Variants in BAIAP2L1 observed in about 807,000 individuals in gnomAD.
BAIAP2L1 encodes BAR/IMD domain containing adaptor protein 2 like 1.
A neutral mutation model predicts 66.3 loss-of-function variants in BAIAP2L1; 35 were observed. That is an observed-to-expected ratio of 0.53 (90% CI 0.40 to 0.70). The LOEUF is 0.70. BAIAP2L1 is among the 30% of genes least tolerant of loss of function. The probability of loss-of-function intolerance (pLI) is 0.00; values close to 1 mark genes in which losing one functional copy is unlikely to be tolerated. For synonymous variants in BAIAP2L1, 269 were observed against 248.7 expected (o/e 1.08, Z -0.77); for missense variants, 622 against 656.9 (o/e 0.95, Z 0.58).
chr7:98,395,450 A>G (rs1052963094), intron 1 of BAIAP2L1, among the ~76,000 whole-genome samples: 1 of 151,182 alleles, frequency 6.6e-6, no homozygotes, highest in African/African-American at 2.4e-5. Context: ...AAAAAAAAAA[A>G]AAAGTTAGGA....
At chr7:98,374,623 T>C (rs1471069365) in intron 1 of BAIAP2L1, among the ~76,000 whole-genome samples, 1 of 152,182 alleles carries the variant, frequency 6.6e-6, no homozygotes, top group Non-Finnish European at 1.5e-5. Flanking sequence ...GGTGTCTCTA[T>C]AGTACTTTTT....
intron 12 of BAIAP2L1, among the ~76,000 whole-genome samples, chr7:98,296,080 AG>A: frequency 6.6e-6 from 1 of 152,226 alleles, no homozygotes; most frequent in East Asian, 1.9e-4. Flanking sequence ...TGGGAGAGTC[AG>A]AACCAGCTTC....
intron 3 of BAIAP2L1, among the ~76,000 whole-genome samples, chr7:98,344,746 C>A (rs1801831155): frequency 6.6e-6 from 1 of 152,268 alleles, no homozygotes; most frequent in Middle Eastern, 3.4e-3. Context: ...ACCAGCCTGA[C>A]CAACATGGTG....
intron 1 of BAIAP2L1, among the ~76,000 whole-genome samples, chr7:98,375,343 G>A (rs990813502): frequency 2.9e-4 from 43 of 149,078 alleles, no homozygotes; most frequent in African/African-American, 6.9e-4. Flanking sequence ...GCAGTGAGCC[G>A]ACATCCGGCC....
chr7:98,356,665 TA>T (rs35660519), intron 2 of BAIAP2L1, among the ~76,000 whole-genome samples: 43,227 of 106,460 alleles, frequency 0.41, 8,776 homozygotes, highest in East Asian at 0.54. Flanking sequence ...CCTGGCTAAT[TA>T]AAAAAAAAAA....
chr7:98,352,436 GTT>G (rs2115681194), intron 3 of BAIAP2L1, among the ~76,000 whole-genome samples: 1 of 152,310 alleles, frequency 6.6e-6, no homozygotes, highest in East Asian at 1.9e-4. Flanking sequence ...GAGGTCAGGA[GTT>G]TGAGACCAGC....
At chr7:98,299,121 T>TTC (rs1408425541) in intron 12 of BAIAP2L1, among the ~76,000 whole-genome samples, 5 of 152,180 alleles carry the variant, frequency 3.3e-5, no homozygotes, top group African/African-American at 1.2e-4. Flanking sequence ...GTTCAACTGA[T>TTC]TCTCCTGCCT....
intron 12 of BAIAP2L1, among the ~76,000 whole-genome samples, chr7:98,303,650 G>C (rs1231268377): frequency 1.3e-5 from 2 of 152,196 alleles, no homozygotes; most frequent in African/African-American, 4.8e-5. Context: ...GGGAATGGAT[G>C]AACTGGTTCC....
Position 98,292,935 on chromosome 7 carries a change from T to G in BAIAP2L1, c.*586A>C. 1.5e-6 allele frequency: 2 copies of G among 1,319,142 alleles called. No individual in the cohort carries two copies. The highest frequency in any genetic ancestry group is 9.7e-7 in the Non-Finnish European group (1 of 1,034,956). 81.7% of individuals were successfully genotyped at this position (1,319,142 alleles called of 1,614,324 possible). ...AAGGGCAGGCAAAGCGTCTTAGCAC[T>G]CTACAGCTCTGGCGTGGTTGGAGGG... On this transcript the variant is annotated 3_prime_UTR_variant, in exon 14 of 14. Coordinates refer to ENST00000005260, the MANE Select transcript of BAIAP2L1 (RefSeq NM_018842.5).
At position 98,312,247 on chromosome 7, in the gene BAIAP2L1, A is replaced by G; in HGVS notation, c.657T>C (p.Asn219=). The part of the protein sequence containing the change: ...YYHLQSAELL[N]SKLPRWQETC... ...TCTCCTGCCACCGAGGCAGCTTGGA[A>G]TTCAGTAGTTCTGCAGACTGCAAAG... is the stretch of plus-strand genomic sequence containing the variant. The change falls in exon 8 of 14, where the codon AAT becomes AAC. Residue 219 remains asparagine, a synonymous_variant. Coordinates refer to ENST00000005260, the MANE Select transcript of BAIAP2L1 (RefSeq NM_018842.5). 1 of 1,612,704 alleles carries G rather than the reference A, an allele frequency of 6.2e-7. No individual in the cohort carries two copies. The highest frequency in any genetic ancestry group is 8.5e-7 in the Non-Finnish European group (1 of 1,179,532).
chr7:98,362,261 T>C, intron 2 of BAIAP2L1, 96 bp downstream of exon 2: 1 of 941,386 alleles, frequency 1.1e-6, no homozygotes, highest in Non-Finnish European at 1.6e-6. Flanking sequence ...TTTTAACCAC[T>C]TAAAGGTATT....
intron 3 of BAIAP2L1, among the ~76,000 whole-genome samples, chr7:98,348,253 G>A (rs560670925): frequency 2.6e-5 from 4 of 152,150 alleles, no homozygotes; most frequent in Admixed American, 2.6e-4. Flanking sequence ...TGAACAACTG[G>A]TTCATGAATA....
intron 12 of BAIAP2L1, among the ~76,000 whole-genome samples, chr7:98,296,945 T>C (rs1800216611): frequency 6.6e-6 from 1 of 152,238 alleles, no homozygotes; most frequent in African/African-American, 2.4e-5. Flanking sequence ...AACATAGACC[T>C]GCCCTCCTCT....
At chr7:98,351,047 A>T (rs1033951944) in intron 3 of BAIAP2L1, among the ~76,000 whole-genome samples, 10 of 152,026 alleles carry the variant, frequency 6.6e-5, no homozygotes. Context: ...TTTTTAGTAC[A>T]GACAGGTTTC....
chr7:98,330,650 G>C (rs1281341080), intron 3 of BAIAP2L1, among the ~76,000 whole-genome samples: 1 of 152,070 alleles, frequency 6.6e-6, no homozygotes, highest in Non-Finnish European at 1.5e-5. Context: ...GAGCAAAACT[G>C]TTTCAAAAAA....
rs995607901 is a variant in BAIAP2L1, at chr7:98,292,339, A to G, written c.*1182T>C. 4.1e-5 allele frequency: 15 copies of G among 364,292 alleles called. No individual in the cohort carries two copies. Among genetic ancestry groups the G allele is most frequent in the Admixed American group, 1.7e-4 (4 of 24,078 alleles). 22.6% of individuals were successfully genotyped at this position (364,292 alleles called of 1,614,324 possible). A position where few individuals can be genotyped will look rare whatever the true frequency, so the allele number is the denominator to read the frequency against. ...CGGGTTCAAGTGATTCTCCTGCCTCAGCCTCCTGAGTGGCGCCCACCACCA... is the reference window on the plus strand; with the variant it reads ...CGGGTTCAAGTGATTCTCCTGCCTCGGCCTCCTGAGTGGCGCCCACCACCA... On this transcript the variant is annotated 3_prime_UTR_variant, in exon 14 of 14. Transcript: ENST00000005260.
At chr7:98,297,804 G>A (rs762193765) in intron 12 of BAIAP2L1, among the ~76,000 whole-genome samples, 1 of 152,248 alleles carries the variant, frequency 6.6e-6, no homozygotes, top group East Asian at 1.9e-4. Context: ...GCTCTCAGGA[G>A]GGGCTCACGC....
chr7:98,310,314 T>C, intron 9 of BAIAP2L1, 131 bp downstream of exon 9: 1 of 986,952 alleles, frequency 1.0e-6, no homozygotes. Context: ...AAGCCAGGGC[T>C]GAATGTATCT....
chr7:98,296,244 A>G (rs2116790184), intron 12 of BAIAP2L1, among the ~76,000 whole-genome samples: 1 of 152,352 alleles, frequency 6.6e-6, no homozygotes, highest in East Asian at 1.9e-4. Flanking sequence ...GGGGCCGGGA[A>G]CGTCCTGCTG....
Sources: gnomAD v4.1 joint callset for allele counts (sites outside exome capture counted in the v4.1 genomes callset) on GRCh38, gnomAD v4.1.1 for gene constraint, MANE v1.5 for transcripts, NCBI Gene and HGNC (gene_info 2026-07-23, HGNC 2026-07-21) for gene names.